CTNNA3: variants seen among roughly 807,000 people sequenced by gnomAD.
CTNNA3 encodes the protein catenin alpha 3, also known as catenin alpha-3.
CTNNA3 carries 76 observed loss-of-function variants against 95.7 expected under a neutral mutation model. The ratio of observed to expected loss-of-function variants is 0.79; its 90% CI spans 0.66 to 0.96. The LOEUF is 0.96. Among genes scored for constraint, CTNNA3 ranks in the 40% least tolerant of loss-of-function variants. The pLI is 0.00. For missense variants in CTNNA3, 1,191 were observed against 1,089.8 expected, an observed-to-expected ratio of 1.09 and a Z score of -1.31; for synonymous variants, 431 against 374.4, an observed-to-expected ratio of 1.15 and a Z score of -1.74.
intron 7 of CTNNA3, among the ~76,000 whole-genome samples, chr10:66,863,227 A>G (rs1844021487): frequency 1.3e-5 from 2 of 151,682 alleles, no homozygotes; most frequent in Non-Finnish European, 2.9e-5. Flanking sequence ...ACATATATAT[A>G]TATAATACAA....
At chr10:66,862,602 C>G (rs1843985261) in intron 7 of CTNNA3, among the ~76,000 whole-genome samples, 1 of 151,950 alleles carries the variant, frequency 6.6e-6, no homozygotes, top group African/African-American at 2.4e-5. Flanking sequence ...AGTTTGAAGA[C>G]CAAAGTGTGC....
At chr10:66,474,576 T>C (rs997296643) in intron 11 of CTNNA3, among the ~76,000 whole-genome samples, 1 of 152,088 alleles carries the variant, frequency 6.6e-6, no homozygotes, top group African/African-American at 2.4e-5. Context: ...GTGGAAATGA[T>C]GGATGATCCC....
intron 13 of CTNNA3, among the ~76,000 whole-genome samples, chr10:66,214,700 CTCTT>C (rs942034008): frequency 3.3e-5 from 5 of 151,992 alleles, no homozygotes; most frequent in African/African-American, 9.7e-5. Context: ...AAGAAAATGA[CTCTT>C]CCTTCTGGTT....
chr10:66,369,504 T>G (rs1325813521), intron 12 of CTNNA3, among the ~76,000 whole-genome samples: 1 of 152,108 alleles, frequency 6.6e-6, no homozygotes, highest in African/African-American at 2.4e-5. Context: ...GTGTTTACAG[T>G]TTTTTTGTTT....
At chr10:67,710,184 T>C (rs1841099649) in intron 1 of CTNNA3, among the ~76,000 whole-genome samples, 1 of 152,058 alleles carries the variant, frequency 6.6e-6, no homozygotes, top group South Asian at 2.1e-4. Context: ...GGAAAGAAGA[T>C]AAATTCTGTA....
chr10:67,387,045 G>A (rs544686169), intron 5 of CTNNA3, among the ~76,000 whole-genome samples: 46 of 152,282 alleles, frequency 3.0e-4, no homozygotes, highest in African/African-American at 1.1e-3. Context: ...CCCGTTAGTT[G>A]AGGGAGGACC....
chr10:66,150,386 C>T (rs2084136176), intron 13 of CTNNA3, among the ~76,000 whole-genome samples: 1 of 152,088 alleles, frequency 6.6e-6, no homozygotes, highest in Non-Finnish European at 1.5e-5. Context: ...AATTGCCCGT[C>T]TCGGGTATGT....
Position 66,210,681 on chromosome 10 carries a change from T to C in CTNNA3, c.1884+69789A>G, listed in dbSNP as rs914335722. Among the ~76,000 whole-genome samples the C allele has an allele frequency of 3.3e-5, 5 of 152,316 alleles. No homozygotes were observed. In the East Asian group the frequency reaches 5.8e-4, roughly 18 times the overall value. ...GCATTAAATAAAATAGCATAATATG[T>C]GTTTTTGTAATGTAAGAAAGATATC... is the stretch of plus-strand genomic sequence containing the variant. On this transcript the variant is annotated intron_variant, in intron 13 of 17. Coordinates refer to ENST00000433211, the MANE Select transcript of CTNNA3 (RefSeq NM_013266.4).
chr10:67,330,080 T>C (rs1255799614), intron 5 of CTNNA3, among the ~76,000 whole-genome samples: 2 of 152,226 alleles, frequency 1.3e-5, no homozygotes, highest in Admixed American at 6.5e-5. Flanking sequence ...ATTTCACTTA[T>C]ATGTCATTAA....
intron 7 of CTNNA3, among the ~76,000 whole-genome samples, chr10:67,035,280 C>T (rs1853976634): frequency 6.6e-6 from 1 of 152,112 alleles, no homozygotes; most frequent in Non-Finnish European, 1.5e-5. Context: ...CTGCAAGTCA[C>T]TAGATTTCTT....
chr10:66,265,465 T>C (rs1374908758), intron 13 of CTNNA3, among the ~76,000 whole-genome samples: 1 of 151,978 alleles, frequency 6.6e-6, no homozygotes, highest in African/African-American at 2.4e-5. Context: ...TAGTTATCAA[T>C]GCTTTGGAAC....
At chr10:66,950,360 CA>C (rs1195399243) in intron 7 of CTNNA3, among the ~76,000 whole-genome samples, 2 of 150,952 alleles carry the variant, frequency 1.3e-5, no homozygotes, top group Admixed American at 1.3e-4. Context: ...AAAAATCTTA[CA>C]TTTTTTTTGT....
chr10:67,496,098 G>A (rs1839014573), intron 5 of CTNNA3, among the ~76,000 whole-genome samples: 1 of 152,164 alleles, frequency 6.6e-6, no homozygotes, highest in South Asian at 2.1e-4. Flanking sequence ...CACCCTAGTA[G>A]AAAGTATTTA....
chr10:66,169,208 C>T (rs1037091936), intron 13 of CTNNA3, among the ~76,000 whole-genome samples: 18 of 152,130 alleles, frequency 1.2e-4, no homozygotes, highest in African/African-American at 4.3e-4. Flanking sequence ...TCCCCAAAGT[C>T]TATTGTATCA....
intron 13 of CTNNA3, among the ~76,000 whole-genome samples, chr10:66,228,135 T>G (rs35436929): frequency 0.078 from 11,863 of 152,136 alleles, 604 homozygotes; most frequent in Admixed American, 0.13. Context: ...TGTTTTTATT[T>G]TATTGATCTT....
intron 15 of CTNNA3, among the ~76,000 whole-genome samples, chr10:66,004,244 A>G (rs2078834005): frequency 6.6e-6 from 1 of 152,228 alleles, no homozygotes; most frequent in Non-Finnish European, 1.5e-5. Flanking sequence ...TACAGAAACA[A>G]GATATTCCCA....
At chr10:67,615,734 C>G (rs1843633620) in intron 2 of CTNNA3, among the ~76,000 whole-genome samples, 1 of 138,686 alleles carries the variant, frequency 7.2e-6, no homozygotes, top group Non-Finnish European at 1.5e-5. Flanking sequence ...GCTATCTTGG[C>G]TCACTGCAAC....
intron 5 of CTNNA3, among the ~76,000 whole-genome samples, chr10:67,288,675 C>G (rs1166218555): frequency 6.6e-6 from 1 of 152,164 alleles, no homozygotes; most frequent in East Asian, 1.9e-4. Flanking sequence ...GATCCAAGCA[C>G]TAACACTGAG....
intron 11 of CTNNA3, among the ~76,000 whole-genome samples, chr10:66,478,203 G>T (rs1437022375): frequency 2.6e-5 from 4 of 151,946 alleles, no homozygotes; most frequent in Non-Finnish European, 2.9e-5. Flanking sequence ...CAAGATGCAG[G>T]CTAAGAATGA....
Sources: gnomAD v4.1 joint callset for allele counts (sites outside exome capture counted in the v4.1 genomes callset) on GRCh38, gnomAD v4.1.1 for gene constraint, MANE v1.5 for transcripts, NCBI Gene and HGNC (gene_info 2026-07-23, HGNC 2026-07-21) for gene names.